Variants in GRIK4 observed in about 807,000 individuals in gnomAD.
GRIK4 encodes the protein glutamate receptor ionotropic, kainate 4.
A neutral mutation model predicts 104.9 loss-of-function variants in GRIK4; 40 were observed. That is an observed-to-expected ratio of 0.38 (90% CI 0.30 to 0.50). The LOEUF (loss-of-function observed/expected upper bound fraction) is 0.50, where lower values mean the gene tolerates loss of function less well. GRIK4 is among the 20% of genes least tolerant of loss of function. GRIK4 has a pLI of 0.93. For missense variants in GRIK4, 1,047 were observed against 1,308.1 expected, an observed-to-expected ratio of 0.80 and a Z score of 3.08; for synonymous variants, 485 against 524.9, an observed-to-expected ratio of 0.92 and a Z score of 1.04.
chr11:120,954,820 C>T (rs1330483972), intron 15 of GRIK4, among the ~76,000 whole-genome samples: 3 of 98,600 alleles, frequency 3.0e-5, no homozygotes, highest in Non-Finnish European at 5.6e-5. Context: ...CACACACACA[C>T]ACACACACAC....
chr11:120,823,883 C>G (rs1953187066), intron 6 of GRIK4, among the ~76,000 whole-genome samples: 3 of 152,190 alleles, frequency 2.0e-5, no homozygotes, highest in Admixed American at 2.0e-4. Context: ...ACTCCAGTCC[C>G]CACCCTCCAG....
At chr11:120,925,707 C>T (rs552590546) in intron 13 of GRIK4, among the ~76,000 whole-genome samples, 1 of 152,256 alleles carries the variant, frequency 6.6e-6, no homozygotes, top group African/African-American at 2.4e-5. Flanking sequence ...CGCAGTGGCT[C>T]ACGCCTGTAA....
At chr11:120,671,853 GT>G (rs1365555988) in intron 3 of GRIK4, among the ~76,000 whole-genome samples, 2 of 152,166 alleles carry the variant, frequency 1.3e-5, no homozygotes, top group Non-Finnish European at 2.9e-5. Context: ...TGGCTAGCCA[GT>G]TTTCCCAACA....
chr11:120,629,775 G>C (rs1198092255), intron 1 of GRIK4, among the ~76,000 whole-genome samples: 2 of 152,202 alleles, frequency 1.3e-5, no homozygotes, highest in Non-Finnish European at 2.9e-5. Context: ...CCCCATGCTG[G>C]GCGGCTGGGG....
chr11:120,597,672 T>A (rs7943200), intron 1 of GRIK4, among the ~76,000 whole-genome samples: 1 of 152,222 alleles, frequency 6.6e-6, no homozygotes, highest in Non-Finnish European at 1.5e-5. Context: ...TGGTGGGCCA[T>A]GCGTGCTGCC....
At chr11:120,862,193 G>A in intron 9 of GRIK4, 73 bp downstream of exon 9, 1 of 1,304,760 alleles carries the variant, frequency 7.7e-7, no homozygotes, top group East Asian at 2.3e-5. Flanking sequence ...CCAACCCCTG[G>A]GCAACACATC....
In GRIK4 at chr11:120,694,158, G is replaced by A. The variant is rs371712738; in HGVS notation, c.82+33758G>A. ...ATGCATAGGCCTAAAGCATGAGGGA[G>A]GGATCTGGGCTGGAGGAATTGCTTT... On this transcript the variant is annotated intron_variant, in intron 3 of 20. Transcript: ENST00000527524. Among the ~76,000 whole-genome samples the A allele has an allele frequency of 5.3e-5, 8 of 152,348 alleles. No homozygotes were observed. The East Asian group carries it at 1.2e-3, about 22-fold the overall frequency.
intron 3 of GRIK4, among the ~76,000 whole-genome samples, chr11:120,776,759 C>T (rs568015925): frequency 1.1e-4 from 16 of 152,254 alleles, no homozygotes; most frequent in African/African-American, 3.1e-4. Flanking sequence ...AAGGTGTTGT[C>T]GGGCCTCTCG....
intron 14 of GRIK4, among the ~76,000 whole-genome samples, chr11:120,947,324 G>A (rs1048794595): frequency 2.0e-5 from 3 of 151,648 alleles, no homozygotes; most frequent in African/African-American, 7.3e-5. Flanking sequence ...ATCATTTGAA[G>A]CCGGGAGGTG....
At chr11:120,851,702 C>T (rs1953978345) in intron 8 of GRIK4, among the ~76,000 whole-genome samples, 1 of 152,112 alleles carries the variant, frequency 6.6e-6, no homozygotes, top group Non-Finnish European at 1.5e-5. Context: ...ATCCCTGCCC[C>T]TCCCCCGCCC....
chr11:120,840,761 G>A (rs1396693356), intron 8 of GRIK4, among the ~76,000 whole-genome samples: 1 of 152,154 alleles, frequency 6.6e-6, no homozygotes, highest in Non-Finnish European at 1.5e-5. Context: ...CTGCCTGCCT[G>A]CCTGCCTTTG....
At chr11:120,602,869 A>AT (rs979164582) in intron 1 of GRIK4, among the ~76,000 whole-genome samples, 1 of 151,900 alleles carries the variant, frequency 6.6e-6, no homozygotes, top group African/African-American at 2.4e-5. Flanking sequence ...GGCCTGGCTA[A>AT]TTTTTTTATG....
chr11:120,920,788 C>T (rs1241144112), intron 13 of GRIK4, among the ~76,000 whole-genome samples: 2 of 152,204 alleles, frequency 1.3e-5, no homozygotes, highest in Non-Finnish European at 2.9e-5. Context: ...TCTTCATGGG[C>T]TACCATTTGC....
At chr11:120,591,271 G>A (rs1948729254) in intron 1 of GRIK4, among the ~76,000 whole-genome samples, 1 of 151,848 alleles carries the variant, frequency 6.6e-6, no homozygotes, top group Non-Finnish European at 1.5e-5. Context: ...GAGGCAGGGA[G>A]GCATCACTAG....
chr11:120,788,331 C>T (rs1175725387), intron 3 of GRIK4, among the ~76,000 whole-genome samples: 2 of 151,972 alleles, frequency 1.3e-5, no homozygotes, highest in South Asian at 2.1e-4. Context: ...GGGTGGCGGG[C>T]GGCATTGCCG....
chr11:120,850,796 C>CATG (rs375109735), intron 8 of GRIK4, among the ~76,000 whole-genome samples: 1 of 144,822 alleles, frequency 6.9e-6, no homozygotes, highest in Non-Finnish European at 1.5e-5. Flanking sequence ...TGGCAAATCA[C>CATG]ATTATTATTA....
At chr11:120,836,544 A>G (rs1302676928) in intron 7 of GRIK4, among the ~76,000 whole-genome samples, 5 of 152,220 alleles carry the variant, frequency 3.3e-5, no homozygotes, top group Non-Finnish European at 7.3e-5. Flanking sequence ...AACACCAGCT[A>G]CTACGCATGC....
At chr11:120,610,250 G>A (rs1949017803) in intron 1 of GRIK4, among the ~76,000 whole-genome samples, 1 of 152,230 alleles carries the variant, frequency 6.6e-6, no homozygotes, top group African/African-American at 2.4e-5. Context: ...GAACAGCCAA[G>A]TAATTGAAGA....
At chr11:120,796,236 C>T (rs1952512444) in intron 3 of GRIK4, among the ~76,000 whole-genome samples, 1 of 152,006 alleles carries the variant, frequency 6.6e-6, no homozygotes, top group Admixed American at 6.6e-5. Flanking sequence ...GGGGTTTCAC[C>T]ATGTTAGCCA....
Sources: allele counts gnomAD v4.1 joint callset (sites outside exome capture counted in the v4.1 genomes callset), GRCh38; gene constraint gnomAD v4.1.1; transcripts MANE v1.5; gene names NCBI Gene and HGNC (gene_info 2026-07-23, HGNC 2026-07-21).